DYNC1I1: variants seen among roughly 807,000 people sequenced by gnomAD.
The protein encoded by DYNC1I1 is dynein cytoplasmic 1 intermediate chain 1.
In DYNC1I1, 43 loss-of-function variants were observed where a neutral mutation model predicts 86.6. The observed-to-expected ratio is 0.50, with a 90% confidence interval of 0.39 to 0.64. The LOEUF (loss-of-function observed/expected upper bound fraction) is 0.64. DYNC1I1 is among the 30% of genes least tolerant of loss of function. The probability of loss-of-function intolerance (pLI) is 0.00; values close to 1 mark genes in which losing one functional copy is unlikely to be tolerated. For synonymous variants in DYNC1I1, 262 were observed against 283.7 expected, an observed-to-expected ratio of 0.92 and a Z score of 0.77; for missense variants, 604 against 788.8, an observed-to-expected ratio of 0.77 and a Z score of 2.81.
At chr7:95,845,795 CAA>C (rs1030772297) in intron 5 of DYNC1I1, among the ~76,000 whole-genome samples, 1 of 152,090 alleles carries the variant, frequency 6.6e-6, no homozygotes, top group Admixed American at 6.5e-5. Context: ...AATTTTGTCA[CAA>C]GAGAGGAAGG....
intron 6 of DYNC1I1, among the ~76,000 whole-genome samples, chr7:95,954,237 G>C (rs1435907500): frequency 6.7e-6 from 1 of 149,806 alleles, no homozygotes; most frequent in Non-Finnish European, 1.5e-5. Flanking sequence ...TTAAAAATCT[G>C]CTATTATCAT....
intron 5 of DYNC1I1, among the ~76,000 whole-genome samples, chr7:95,829,379 C>G (rs939421133): frequency 5.3e-5 from 8 of 152,070 alleles, no homozygotes; most frequent in African/African-American, 1.9e-4. Context: ...TTACTAAATT[C>G]TTGGCTATTT....
At chr7:95,890,855 C>A (rs761999881) in intron 6 of DYNC1I1, among the ~76,000 whole-genome samples, 5 of 152,112 alleles carry the variant, frequency 3.3e-5, no homozygotes, top group Admixed American at 1.3e-4. Context: ...AAAATTCTTC[C>A]TGAACGTAGT....
intron 5 of DYNC1I1, among the ~76,000 whole-genome samples, chr7:95,841,952 G>T (rs1789294721): frequency 2.0e-5 from 3 of 152,168 alleles, no homozygotes; most frequent in Admixed American, 6.5e-5. Context: ...CCATTCCAGG[G>T]GTCTAATAAG....
chr7:96,066,837 C>T (rs908795528), intron 14 of DYNC1I1, among the ~76,000 whole-genome samples: 3 of 152,192 alleles, frequency 2.0e-5, no homozygotes, highest in Non-Finnish European at 2.9e-5. Context: ...TCATAATTTT[C>T]ATTCTCTTAC....
At chr7:95,804,659 T>G in intron 1 of DYNC1I1, 62 bp from the exon 2 acceptor site, 1 of 1,439,930 alleles carries the variant, frequency 6.9e-7, no homozygotes. Flanking sequence ...AAATGATTTT[T>G]GCAATGATAT....
At chr7:95,808,243 CTT>C (rs1430789316) in intron 2 of DYNC1I1, among the ~76,000 whole-genome samples, 2 of 151,890 alleles carry the variant, frequency 1.3e-5, no homozygotes, top group Non-Finnish European at 2.9e-5. Context: ...TTTCTTTAGG[CTT>C]ATATTTTCAA....
chr7:96,052,819 T>C (rs1163235480), intron 14 of DYNC1I1, among the ~76,000 whole-genome samples: 2 of 152,098 alleles, frequency 1.3e-5, no homozygotes, highest in African/African-American at 2.4e-5. Flanking sequence ...GTGTAGACTT[T>C]CTTCTGAAGA....
Position 95,790,782 on chromosome 7 carries a change from T to A in DYNC1I1, c.-9-13939T>A, listed in dbSNP as rs531979883. On this transcript the variant is annotated intron_variant, in intron 1 of 16. Coordinates refer to ENST00000447467, the MANE Select transcript of DYNC1I1 (RefSeq NM_001135556.2). ...CAGGCTTATGCAGTGGCTAAGTGGC[T>A]GAGAGCATGTGCTGTGGAGAATTTG... Among the ~76,000 whole-genome samples, 4 of 152,332 alleles carry A rather than the reference T, an allele frequency of 2.6e-5. No individual in the cohort carries two copies. The East Asian group carries it at 7.7e-4, about 29-fold the overall frequency.
At chr7:95,795,889 A>G (rs1317532357) in intron 1 of DYNC1I1, among the ~76,000 whole-genome samples, 3 of 151,926 alleles carry the variant, frequency 2.0e-5, no homozygotes, top group Non-Finnish European at 4.4e-5. Context: ...TTAAAAATAA[A>G]AGTTAAATTT....
chr7:96,040,529 T>G (rs1789007370), intron 14 of DYNC1I1, among the ~76,000 whole-genome samples: 2 of 152,190 alleles, frequency 1.3e-5, no homozygotes, highest in East Asian at 1.9e-4. Context: ...AGTGTAGCAC[T>G]CACTGCACTG....
At chr7:95,881,303 CTG>C (rs1314441778) in intron 6 of DYNC1I1, among the ~76,000 whole-genome samples, 1 of 151,918 alleles carries the variant, frequency 6.6e-6, no homozygotes, top group Non-Finnish European at 1.5e-5. Flanking sequence ...AAGGTACTAA[CTG>C]TGTAGGTTTG....
intron 5 of DYNC1I1, among the ~76,000 whole-genome samples, chr7:95,857,877 A>G (rs1031888747): frequency 3.9e-5 from 6 of 152,238 alleles, no homozygotes; most frequent in African/African-American, 1.4e-4. Context: ...AATCATTTAA[A>G]CTACCTAGAC....
At chr7:96,034,262 T>C (rs1794881869) in intron 12 of DYNC1I1, among the ~76,000 whole-genome samples, 1 of 152,168 alleles carries the variant, frequency 6.6e-6, no homozygotes, top group Non-Finnish European at 1.5e-5. Flanking sequence ...TTTATGGCTT[T>C]GTCTTAAAAT....
intron 11 of DYNC1I1, among the ~76,000 whole-genome samples, chr7:96,029,754 T>C (rs546824771): frequency 1.3e-5 from 2 of 152,006 alleles, no homozygotes; most frequent in South Asian, 4.2e-4. Context: ...CTACTAAAAA[T>C]ACAAAAAGTA....
At chr7:95,813,185 C>T in intron 3 of DYNC1I1, 62 bp from the exon 4 acceptor site, 5 of 1,609,694 alleles carry the variant, frequency 3.1e-6, no homozygotes, top group Non-Finnish European at 4.2e-6. Context: ...TCTGACACTG[C>T]TCTTCACCAG....
intron 6 of DYNC1I1, among the ~76,000 whole-genome samples, chr7:95,893,045 T>A (rs574542278): frequency 4.6e-5 from 7 of 152,348 alleles, no homozygotes; most frequent in African/African-American, 1.4e-4. Flanking sequence ...TCTTCATTTC[T>A]TAATAAGTCT....
chr7:95,984,986 C>T lies in DYNC1I1; in HGVS notation c.743+9C>T. On this transcript the variant is annotated intron_variant, in intron 8 of 16. Transcript: ENST00000447467. ...TTAGAGGAAAAAGATGGGTTAGTCT[C>T]TTGTGTGCATTCTTTAAAAAATAGC... 3.1e-6 allele frequency: 5 copies of T among 1,609,640 alleles called. No individual in the cohort carries two copies. Among genetic ancestry groups the T allele is most frequent in the Non-Finnish European group, 4.2e-6 (5 of 1,178,728 alleles).
chr7:96,063,793 C>A (rs759709912), intron 14 of DYNC1I1, among the ~76,000 whole-genome samples: 1 of 152,304 alleles, frequency 6.6e-6, no homozygotes, highest in East Asian at 1.9e-4. Context: ...TAATTCCACC[C>A]ATAAGAGCTA....
Sources: gnomAD v4.1 joint callset for allele counts (sites outside exome capture counted in the v4.1 genomes callset) on GRCh38, gnomAD v4.1.1 for gene constraint, MANE v1.5 for transcripts, NCBI Gene and HGNC (gene_info 2026-07-23, HGNC 2026-07-21) for gene names.